Variants in ST8SIA5 observed in about 807,000 individuals in gnomAD.
The protein encoded by ST8SIA5 is alpha-2,8-sialyltransferase 8E.
A neutral mutation model predicts 40.2 loss-of-function variants in ST8SIA5; 24 were observed. The ratio of observed to expected loss-of-function variants is 0.60; its 90% CI spans 0.43 to 0.84. The LOEUF is 0.84. Ranked by LOEUF, ST8SIA5 falls within the 40% of genes least tolerant of loss-of-function variation. ST8SIA5 has a pLI of 0.00. For synonymous variants in ST8SIA5, 198 were observed against 201.8 expected (o/e 0.98, Z 0.16); for missense variants, 465 against 498.5 (o/e 0.93, Z 0.64).
intron 1 of ST8SIA5, among the ~76,000 whole-genome samples, chr18:46,735,503 T>G (rs2040025090): frequency 6.6e-6 from 1 of 152,226 alleles, no homozygotes; most frequent in South Asian, 2.1e-4. Flanking sequence ...TAAAATTGCT[T>G]AGAACTAAAT....
chr18:46,683,636 A>G (rs996167908), intron 5 of ST8SIA5, among the ~76,000 whole-genome samples: 4 of 152,008 alleles, frequency 2.6e-5, no homozygotes, highest in African/African-American at 9.7e-5. Context: ...GAAGAACCCT[A>G]TTCTATAACA....
Position 46,715,745 on chromosome 18 carries a change from A to AT in ST8SIA5, c.132-11082dup, listed in dbSNP as rs202220738. ...CAAGCATGCACCACCATGTCTAGCT[A>AT]TTTTTTTTTATTTTTATTTTTGGTA... On this transcript the variant is annotated intron_variant, in intron 1 of 6. Transcript: ENST00000315087. Among the ~76,000 whole-genome samples, 498 of 150,736 alleles carry AT rather than the reference A, an allele frequency of 3.3e-3. 1 individual carries two copies. The highest frequency in any genetic ancestry group is 0.01 in the African/African-American group (423 of 41,002).
At chr18:46,699,655 A>G (rs2039591770) in intron 2 of ST8SIA5, among the ~76,000 whole-genome samples, 1 of 152,210 alleles carries the variant, frequency 6.6e-6, no homozygotes, top group Non-Finnish European at 1.5e-5. Context: ...CTGTGATTAC[A>G]GGCATGAGCC....
At chr18:46,687,578 G>T (rs969677927) in intron 4 of ST8SIA5, among the ~76,000 whole-genome samples, 2 of 152,140 alleles carry the variant, frequency 1.3e-5, no homozygotes, top group Non-Finnish European at 2.9e-5. Context: ...ACCTCATAAA[G>T]GTGGCTCAGC....
intron 1 of ST8SIA5, among the ~76,000 whole-genome samples, chr18:46,728,934 C>T (rs2039958989): frequency 6.6e-6 from 1 of 152,176 alleles, no homozygotes; most frequent in South Asian, 2.1e-4. Flanking sequence ...TCCAAGACTG[C>T]CCACGACCCA....
At chr18:46,706,054 AT>A (rs2039667323) in intron 1 of ST8SIA5, among the ~76,000 whole-genome samples, 1 of 151,938 alleles carries the variant, frequency 6.6e-6, no homozygotes, top group African/African-American at 2.4e-5. Flanking sequence ...TTGTATTGTC[AT>A]TTTGTCATTA....
chr18:46,742,538 G>A (rs188702642), intron 1 of ST8SIA5, among the ~76,000 whole-genome samples: 42 of 152,194 alleles, frequency 2.8e-4, no homozygotes, highest in Non-Finnish European at 1.9e-4. Flanking sequence ...CCTGATAAGC[G>A]ACTTATACTT....
At chr18:46,722,228 A>G (rs2039871090) in intron 1 of ST8SIA5, among the ~76,000 whole-genome samples, 1 of 152,090 alleles carries the variant, frequency 6.6e-6, no homozygotes, top group African/African-American at 2.4e-5. Context: ...GTCTGCACAA[A>G]AAGCAGTCAG....
At chr18:46,731,143 A>C in intron 1 of ST8SIA5, among the ~76,000 whole-genome samples, 1 of 152,204 alleles carries the variant, frequency 6.6e-6, no homozygotes, top group Admixed American at 6.5e-5. Context: ...GGTTATGTCA[A>C]GGGGGAGATT....
At chr18:46,704,440 A>G in intron 2 of ST8SIA5, 132 bp downstream of exon 2, 1 of 754,438 alleles carries the variant, frequency 1.3e-6, no homozygotes. Flanking sequence ...GGGGAAGGAG[A>G]CCTACTTTTC....
At chr18:46,682,394 T>C (rs1442148805) in intron 5 of ST8SIA5, among the ~76,000 whole-genome samples, 1 of 152,222 alleles carries the variant, frequency 6.6e-6, no homozygotes, top group African/African-American at 2.4e-5. Context: ...GAGCATCTCC[T>C]TTCCTAGGGA....
intron 1 of ST8SIA5, among the ~76,000 whole-genome samples, chr18:46,731,100 G>A (rs1011230499): frequency 2.6e-5 from 4 of 152,240 alleles, no homozygotes; most frequent in Admixed American, 6.5e-5. Flanking sequence ...TTGTTTATCC[G>A]GAGAAGATGC....
At chr18:46,744,262 A>G (rs2040116609) in intron 1 of ST8SIA5, among the ~76,000 whole-genome samples, 1 of 152,242 alleles carries the variant, frequency 6.6e-6, no homozygotes, top group Admixed American at 6.5e-5. Context: ...TAAAAGATAT[A>G]GACTGGCAAT....
At chr18:46,702,607 C>T (rs756014660) in intron 2 of ST8SIA5, among the ~76,000 whole-genome samples, 11 of 152,248 alleles carry the variant, frequency 7.2e-5, no homozygotes, top group Non-Finnish European at 1.2e-4. Flanking sequence ...CTGTTCCCTC[C>T]ACCTGGAGTC....
intron 1 of ST8SIA5, among the ~76,000 whole-genome samples, chr18:46,705,602 G>A (rs913424621): frequency 6.6e-6 from 1 of 152,232 alleles, no homozygotes; most frequent in Non-Finnish European, 1.5e-5. Flanking sequence ...CTATGAGCAC[G>A]GCTGGTGTCC....
chr18:46,741,564 A>C (rs1211889469), intron 1 of ST8SIA5, among the ~76,000 whole-genome samples: 5 of 152,244 alleles, frequency 3.3e-5, no homozygotes, highest in African/African-American at 4.8e-5. Flanking sequence ...CAAAGATAGC[A>C]TGATAAGAGA....
At chr18:46,723,580 GAATA>G (rs2039884809) in intron 1 of ST8SIA5, among the ~76,000 whole-genome samples, 1 of 151,910 alleles carries the variant, frequency 6.6e-6, no homozygotes, top group Non-Finnish European at 1.5e-5. Context: ...ATAGATGAAT[GAATA>G]AATAGTGAAA....
chr18:46,714,774 C>A (rs1364058497), intron 1 of ST8SIA5, among the ~76,000 whole-genome samples: 1 of 152,182 alleles, frequency 6.6e-6, no homozygotes, highest in East Asian at 1.9e-4. Flanking sequence ...AGTTACAGAG[C>A]CTGTGACCTC....
rs1756862776 is a variant in ST8SIA5 at position 46,675,523 on chromosome 18, A to G, written c.*4519T>C. 1 of 152,176 alleles carries G rather than the reference A, an allele frequency of 6.6e-6. No individual in the cohort carries two copies. Among genetic ancestry groups the G allele is most frequent in the Non-Finnish European group, 1.5e-5 (1 of 68,048 alleles). The allele number at this position is 152,176 out of a possible 1,614,324, so 9.4% of individuals were successfully genotyped here. A position where few individuals can be genotyped will look rare whatever the true frequency, so the allele number is the denominator to read the frequency against. On this transcript the variant is annotated 3_prime_UTR_variant, in exon 7 of 7. Coordinates refer to ENST00000315087, the MANE Select transcript of ST8SIA5 (RefSeq NM_013305.6). Reference sequence around the variant, plus strand: ...GGAGGCCACAGTGAGCATGCTTCCAATGCTCCTAGGGAGGACTGGCCTGCA... The same window carrying G: ...GGAGGCCACAGTGAGCATGCTTCCAGTGCTCCTAGGGAGGACTGGCCTGCA...
Sources: gnomAD v4.1 joint callset for allele counts (sites outside exome capture counted in the v4.1 genomes callset) on GRCh38, gnomAD v4.1.1 for gene constraint, MANE v1.5 for transcripts, NCBI Gene and HGNC (gene_info 2026-07-23, HGNC 2026-07-21) for gene names.